Variants in RFC3 observed in about 807,000 individuals in gnomAD.
The protein encoded by RFC3 is replication factor C subunit 3.
A neutral mutation model predicts 45.1 loss-of-function variants in RFC3; 41 were observed. The ratio of observed to expected loss-of-function variants is 0.91; its 90% CI spans 0.71 to 1.18. The LOEUF (loss-of-function observed/expected upper bound fraction) is 1.18. Ranked by LOEUF, RFC3 falls within the 50% of genes most tolerant of loss-of-function variation. RFC3 has a pLI of 0.00. For synonymous variants in RFC3, 149 were observed against 144.0 expected (o/e 1.03, Z -0.25); for missense variants, 423 against 428.1 (o/e 0.99, Z 0.10).
chr13:33,928,854 A>G (rs571791008), intron 8 of RFC3, among the ~76,000 whole-genome samples: 22 of 151,996 alleles, frequency 1.4e-4, no homozygotes, highest in African/African-American at 5.1e-4. Context: ...AGTGAAAACT[A>G]TCTGAAATGG....
chr13:33,866,981 A>T (rs1449353721), intron 8 of RFC3, among the ~76,000 whole-genome samples: 1 of 152,204 alleles, frequency 6.6e-6, no homozygotes. Context: ...ATACAATTGG[A>T]ATAGATTTCC....
At chr13:33,820,206 C>A (rs909405502) in intron 1 of RFC3, among the ~76,000 whole-genome samples, 3 of 152,206 alleles carry the variant, frequency 2.0e-5, no homozygotes, top group African/African-American at 7.2e-5. Context: ...TTTTGCAAAA[C>A]TCATCATCAG....
chr13:33,910,609 G>T (rs935602551), intron 8 of RFC3, among the ~76,000 whole-genome samples: 1 of 152,088 alleles, frequency 6.6e-6, no homozygotes, highest in African/African-American at 2.4e-5. Context: ...GAGCTACCTG[G>T]CAAGGAGTCT....
intron 8 of RFC3, among the ~76,000 whole-genome samples, chr13:33,932,258 C>T (rs1182067781): frequency 6.6e-6 from 1 of 152,076 alleles, no homozygotes; most frequent in African/African-American, 2.4e-5. Context: ...GAAATTATTC[C>T]TTAATGCCAT....
At chr13:33,912,176 A>G (rs1038798800) in intron 8 of RFC3, among the ~76,000 whole-genome samples, 5 of 152,056 alleles carry the variant, frequency 3.3e-5, no homozygotes, top group African/African-American at 1.2e-4. Flanking sequence ...ATCTAGATAT[A>G]CTGTTTTGCA....
chr13:33,939,880 C>T (rs922855993), intron 8 of RFC3, among the ~76,000 whole-genome samples: 6 of 152,066 alleles, frequency 3.9e-5, no homozygotes, highest in Admixed American at 2.0e-4. Flanking sequence ...ATAATTTTCT[C>T]TTGTCTTTTT....
At chr13:33,893,911 T>C (rs967745161) in intron 8 of RFC3, among the ~76,000 whole-genome samples, 1 of 152,052 alleles carries the variant, frequency 6.6e-6, no homozygotes, top group African/African-American at 2.4e-5. Context: ...GAAATACTGC[T>C]ATTCAAGAGG....
intron 8 of RFC3, among the ~76,000 whole-genome samples, chr13:33,945,353 C>A (rs747380583): frequency 2.6e-5 from 4 of 152,050 alleles, no homozygotes; most frequent in Non-Finnish European, 5.9e-5. Context: ...AATATCCTTA[C>A]GAGGGATTCT....
chr13:33,943,941 AT>A (rs1408762857), intron 8 of RFC3, among the ~76,000 whole-genome samples: 2 of 152,278 alleles, frequency 1.3e-5, no homozygotes, highest in South Asian at 4.1e-4. Context: ...TTGGCTGTCA[AT>A]TTAGGGTATG....
At chr13:33,835,325 C>T (rs2082143971) in intron 8 of RFC3, 108 bp downstream of exon 8, 5 of 772,204 alleles carry the variant, frequency 6.5e-6, no homozygotes, top group African/African-American at 1.7e-5. Context: ...TTCTCTCCAG[C>T]GCATTAATTG....
At chr13:33,857,026 G>T (rs1348811870) in intron 8 of RFC3, among the ~76,000 whole-genome samples, 1 of 152,138 alleles carries the variant, frequency 6.6e-6, no homozygotes, top group Non-Finnish European at 1.5e-5. Flanking sequence ...TTTGTACTTT[G>T]AATTTTAATA....
intron 8 of RFC3, chr13:33,850,312 T>C (rs2082268287): frequency 6.6e-6 from 1 of 152,090 alleles, no homozygotes; most frequent in East Asian, 1.9e-4. Flanking sequence ...TAAGAGAGGG[T>C]TATATGGTTC....
chr13:33,963,180 T>A (rs576455043), intron 8 of RFC3, among the ~76,000 whole-genome samples: 696 of 14,468 alleles, frequency 0.048, 8 homozygotes, highest in African/African-American at 0.05. Flanking sequence ...AATTAAAATA[T>A]TATAAGTAAA....
chr13:33,915,480 A>G (rs185588148), intron 8 of RFC3, among the ~76,000 whole-genome samples: 4 of 152,304 alleles, frequency 2.6e-5, no homozygotes, highest in African/African-American at 7.2e-5. Flanking sequence ...AAGAAAATAA[A>G]TGTACTCACT....
At chr13:33,936,961 A>G (rs1316247891) in intron 8 of RFC3, among the ~76,000 whole-genome samples, 1 of 152,198 alleles carries the variant, frequency 6.6e-6, no homozygotes, top group African/African-American at 2.4e-5. Flanking sequence ...GATAGATCCT[A>G]AATGTTCTCA....
intron 8 of RFC3, among the ~76,000 whole-genome samples, chr13:33,925,135 TATATAGTGTACTATATACATACAC>T (rs1566030567): frequency 6.9e-6 from 1 of 144,100 alleles, no homozygotes; most frequent in African/African-American, 2.6e-5. Context: ...TATACATGCA[TATATAGTGTACTATATACATACAC>T]ATATAGTGTA....
At chr13:33,958,232 G>A (rs866829869) in intron 8 of RFC3, among the ~76,000 whole-genome samples, 2 of 152,152 alleles carry the variant, frequency 1.3e-5, no homozygotes, top group East Asian at 1.9e-4. Context: ...ATTGAACATC[G>A]CAAGTAAAAG....
downstream of RFC3, among the ~76,000 whole-genome samples, chr13:33,969,910 G>A (rs60647673): frequency 7.7e-6 from 1 of 130,402 alleles, no homozygotes; most frequent in African/African-American, 2.8e-5. Context: ...TGTCAGATTT[G>A]TTTTTTTTTT....
In RFC3 at chr13:33,829,938, G is replaced by T; in HGVS notation, c.494G>T (p.Cys165Phe). Reference sequence around the variant, plus strand: ...TCTACCTGCAGATTGATCTTGTGCTGCAATTCTACATCTAAAGTGATCCCA... The same window carrying T: ...TCTACCTGCAGATTGATCTTGTGCTTCAATTCTACATCTAAAGTGATCCCA... Reference protein sequence around the residue: ...YMSTCRLILCCNSTSKVIPPI... With the variant: ...YMSTCRLILCFNSTSKVIPPI... Residue 165 changes from cysteine (C) to phenylalanine (F), a missense_variant, in exon 5 of 9, where the codon TGC becomes TTC. By Grantham distance (205) the Cys-to-Phe change is radical. Transcript: ENST00000380071. The T allele has an allele frequency of 6.2e-7, 1 of 1,614,096 alleles. No homozygotes were observed. Among genetic ancestry groups the T allele is most frequent in the Non-Finnish European group, 8.5e-7 (1 of 1,179,944 alleles).
Sources: gnomAD v4.1 joint callset for allele counts (sites outside exome capture counted in the v4.1 genomes callset) on GRCh38, gnomAD v4.1.1 for gene constraint, MANE v1.5 for transcripts, NCBI Gene and HGNC (gene_info 2026-07-23, HGNC 2026-07-21) for gene names.